The following GREB1 variants were observed in gnomAD, a reference collection of about 807,000 sequenced individuals.
GREB1 encodes the protein protein GREB1.
In GREB1, 106 loss-of-function variants were observed where a neutral mutation model predicts 200.7. The ratio of observed to expected loss-of-function variants is 0.53; its 90% CI spans 0.45 to 0.62. The LOEUF (loss-of-function observed/expected upper bound fraction) is 0.62. GREB1 is among the 20% of genes least tolerant of loss of function. The probability of loss-of-function intolerance (pLI) is 0.00; values close to 1 mark genes in which losing one functional copy is unlikely to be tolerated. For missense variants in GREB1, 2,243 were observed against 2,556.8 expected (o/e 0.88, Z 2.65); for synonymous variants, 1,132 against 1,092.4 (o/e 1.04, Z -0.72).
chr2:11,610,579 A>C (rs1185636439), intron 17 of GREB1, 109 bp from the exon 18 acceptor site: 63 of 787,416 alleles, frequency 8.0e-5, no homozygotes, highest in Non-Finnish European at 1.2e-4. Flanking sequence ...ACAACTGCGT[A>C]TAATGCCGGA....
chr2:11,512,843 G>T (rs1425803131), intron 1 of GREB1, among the ~76,000 whole-genome samples: 3 of 152,180 alleles, frequency 2.0e-5, no homozygotes, highest in African/African-American at 7.2e-5. Context: ...GACTTTTTAC[G>T]CAGCTTAAGT....
intron 27 of GREB1, 29 bp from the exon 28 acceptor site, chr2:11,632,860 C>T: frequency 6.2e-7 from 1 of 1,605,488 alleles, no homozygotes; most frequent in Non-Finnish European, 8.5e-7. Context: ...GCAGGTCAGT[C>T]CTGAGTCCAG....
At chr2:11,573,613 C>G (rs539634666) in intron 4 of GREB1, among the ~76,000 whole-genome samples, 3 of 152,294 alleles carry the variant, frequency 2.0e-5, no homozygotes, top group Admixed American at 2.0e-4. Context: ...CTGTGGTTTT[C>G]TTGGTTGGCC....
At chr2:11,579,726 C>G (rs1679265475) in intron 6 of GREB1, among the ~76,000 whole-genome samples, 1 of 152,236 alleles carries the variant, frequency 6.6e-6, no homozygotes, top group Non-Finnish European at 1.5e-5. Flanking sequence ...CTGACCCGAG[C>G]TCTTTCCAGA....
chr2:11,513,935 G>A (rs1037643700), intron 1 of GREB1, among the ~76,000 whole-genome samples: 13 of 152,200 alleles, frequency 8.5e-5, no homozygotes, highest in African/African-American at 3.1e-4. Flanking sequence ...CTTCCGGGTT[G>A]TAGAGCTGCC....
At chr2:11,496,835 A>G (rs1672902837) in intron 1 of GREB1, among the ~76,000 whole-genome samples, 1 of 151,420 alleles carries the variant, frequency 6.6e-6, no homozygotes, top group African/African-American at 2.4e-5. Context: ...CCTGATAAAA[A>G]CCCCTCATGT....
Position 11,515,108 on chromosome 2 carries a change from T to A in GREB1, c.-159+32727T>A, listed in dbSNP as rs201871958. Among the ~76,000 whole-genome samples, 1,319 of 143,026 alleles carry A rather than the reference T, an allele frequency of 9.2e-3. 12 individuals carry two copies. The highest frequency in any genetic ancestry group is 0.021 in the African/African-American group (788 of 37,296). The allele number at this position is 143,026 out of a possible 152,430, so 93.8% of individuals were successfully genotyped here. On this transcript the variant is annotated intron_variant, in intron 1 of 2. Coordinates refer to the GREB1 transcript ENST00000628795. ...CCCCCACCTGCCCATCTATCCATCC[T>A]TCCATCCATCCATCCATCCATCCAT...
upstream of GREB1, among the ~76,000 whole-genome samples, chr2:11,532,772 G>C (rs963944819): frequency 6.6e-6 from 1 of 152,154 alleles, no homozygotes; most frequent in African/African-American, 2.4e-5. Flanking sequence ...CAGTGTTCTT[G>C]TTATCCAGGT....
At chr2:11,512,701 C>G (rs1329026858) in intron 1 of GREB1, among the ~76,000 whole-genome samples, 1 of 152,206 alleles carries the variant, frequency 6.6e-6, no homozygotes, top group Non-Finnish European at 1.5e-5. Flanking sequence ...CCTCACTTTC[C>G]CTGTGTGACA....
intron 30 of GREB1, among the ~76,000 whole-genome samples, chr2:11,636,605 G>A (rs1685332264): frequency 6.6e-6 from 1 of 152,258 alleles, no homozygotes; most frequent in African/African-American, 2.4e-5. Context: ...ACCATCGGGA[G>A]AAGCACCACA....
At chr2:11,550,762 G>A (rs560018751) in intron 1 of GREB1, among the ~76,000 whole-genome samples, 2 of 152,272 alleles carry the variant, frequency 1.3e-5, no homozygotes, top group East Asian at 1.9e-4. Flanking sequence ...CTTGTCTGCC[G>A]TGATTTTCTC....
At chr2:11,491,830 C>T (rs970163987) in intron 1 of GREB1, among the ~76,000 whole-genome samples, 2 of 152,206 alleles carry the variant, frequency 1.3e-5, no homozygotes, top group Non-Finnish European at 2.9e-5. Context: ...TCACCAAGAG[C>T]TCATTGACAT....
At chr2:11,550,610 G>A (rs901666410) in intron 1 of GREB1, among the ~76,000 whole-genome samples, 1 of 152,196 alleles carries the variant, frequency 6.6e-6, no homozygotes, top group East Asian at 1.9e-4. Flanking sequence ...GAATTCCCAA[G>A]CCTTCTCTGG....
chr2:11,625,127 A>C, intron 23 of GREB1, 27 bp from the exon 24 acceptor site: 1 of 1,583,378 alleles, frequency 6.3e-7, no homozygotes, highest in Non-Finnish European at 8.7e-7. Flanking sequence ...CTATTTTGTC[A>C]CATCTATGTT....
chr2:11,506,558 A>G (rs961640933), intron 1 of GREB1, among the ~76,000 whole-genome samples: 3 of 152,180 alleles, frequency 2.0e-5, no homozygotes, highest in Non-Finnish European at 4.4e-5. Context: ...ATTATTTTCT[A>G]TTAGACCATC....
At chr2:11,635,806 G>A (rs771703128) in intron 30 of GREB1, among the ~76,000 whole-genome samples, 1 of 152,202 alleles carries the variant, frequency 6.6e-6, no homozygotes, top group South Asian at 2.1e-4. Flanking sequence ...CAGCCTCGGG[G>A]TGGGGAGAGA....
intron 2 of GREB1, among the ~76,000 whole-genome samples, chr2:11,558,750 G>T (rs891448144): frequency 2.0e-5 from 3 of 152,174 alleles, no homozygotes; most frequent in African/African-American, 7.2e-5. Context: ...CGTAGTGTCT[G>T]TTTGTCGGGG....
upstream of GREB1, among the ~76,000 whole-genome samples, chr2:11,531,717 C>T (rs1446390951): frequency 6.6e-6 from 1 of 152,064 alleles, no homozygotes; most frequent in Non-Finnish European, 1.5e-5. Context: ...ATTATAGGCA[C>T]CTGCCACCAT....
intron 4 of GREB1, among the ~76,000 whole-genome samples, chr2:11,567,672 T>C (rs1423714740): frequency 6.6e-6 from 1 of 152,170 alleles, no homozygotes; most frequent in African/African-American, 2.4e-5. Flanking sequence ...GCTGGCCCAC[T>C]AAGGCTCTGA....
Sources: allele counts gnomAD v4.1 joint callset (sites outside exome capture counted in the v4.1 genomes callset), GRCh38; gene constraint gnomAD v4.1.1; transcripts MANE v1.5; gene names NCBI Gene and HGNC (gene_info 2026-07-23, HGNC 2026-07-21).